The following PIEZO2 variants were observed in gnomAD, a reference collection of about 807,000 sequenced individuals.
PIEZO2 encodes the protein piezo-type mechanosensitive ion channel component 2.
Under a neutral mutation model 337.3 loss-of-function variants are expected in PIEZO2, and 172 were observed. The ratio of observed to expected loss-of-function variants is 0.51; its 90% CI spans 0.45 to 0.58. The LOEUF (loss-of-function observed/expected upper bound fraction) is 0.58, where lower values mean the gene tolerates loss of function less well. PIEZO2 is among the 20% of genes least tolerant of loss of function. The pLI, the probability that PIEZO2 is intolerant of heterozygous loss-of-function variation, is 0.00. For missense variants in PIEZO2, 3,028 were observed against 3,391.3 expected, an observed-to-expected ratio of 0.89 and a Z score of 2.66; for synonymous variants, 1,251 against 1,228.5, an observed-to-expected ratio of 1.02 and a Z score of -0.38.
chr18:11,057,268 T>A (rs1376176949), intron 2 of PIEZO2, among the ~76,000 whole-genome samples: 1 of 152,164 alleles, frequency 6.6e-6, no homozygotes, highest in African/African-American at 2.4e-5. Context: ...AAATCTTCCA[T>A]CCCCTTCAGT....
intron 11 of PIEZO2, among the ~76,000 whole-genome samples, chr18:10,799,615 CA>C (rs1393915642): frequency 1.3e-5 from 2 of 152,030 alleles, no homozygotes; most frequent in East Asian, 1.9e-4. Flanking sequence ...AAAAGGGAGA[CA>C]AAAAGCCTTG....
chr18:10,897,054 C>T (rs1351409943), intron 4 of PIEZO2, among the ~76,000 whole-genome samples: 1 of 152,178 alleles, frequency 6.6e-6, no homozygotes, highest in Non-Finnish European at 1.5e-5. Flanking sequence ...AGTAAAAATG[C>T]TAAACATCAC....
chr18:10,741,053 C>A lies in PIEZO2; in HGVS notation c.4686G>T (p.Arg1562=), dbSNP rs1412653262. ...TACTGGAAGCATGATCAACCCAAGG[C>A]CGCCACCACTGCTTTTTTTTGCCCT... ...KAKGKKKQWW[R]PWVDHASMVR... is the part of the protein sequence containing the mutation. The change falls in exon 33 of 56, where the codon CGG becomes CGT. Residue 1562 remains arginine, a synonymous_variant. Coordinates refer to ENST00000674853, the MANE Select transcript of PIEZO2 (RefSeq NM_001378183.1). 21 of 1,537,208 alleles carry A rather than the reference C, an allele frequency of 1.4e-5. No individual in the cohort carries two copies. Among genetic ancestry groups the A allele is most frequent in the African/African-American group, 2.7e-5 (2 of 73,168 alleles).
At chr18:10,752,262 C>T (rs2037677726) in intron 28 of PIEZO2, among the ~76,000 whole-genome samples, 1 of 152,210 alleles carries the variant, frequency 6.6e-6, no homozygotes, top group African/African-American at 2.4e-5. Flanking sequence ...CAACATAATA[C>T]AGCTTTTGAA....
rs2034039340 is a variant in PIEZO2 at position 10,677,033 on chromosome 18, G to A, written c.8081+714C>T. 6.6e-6 allele frequency among the ~76,000 whole-genome samples: 1 copy of A among 152,152 alleles called. No individual in the cohort carries two copies. The highest frequency in any genetic ancestry group is 2.1e-4 in the South Asian group (1 of 4,830). The stretch of plus-strand genomic sequence containing the variant: ...CAAATCGCATGAGAATCAGCATGAT[G>A]ATTTCTAGTGTGCCCCAAAATGGGT... On this transcript the variant is annotated intron_variant, in intron 53 of 55. Transcript: ENST00000674853. The surrounding 1 kb of genome is among the most constrained non-coding windows in gnomAD (Gnocchi z 4.1).
intron 5 of PIEZO2, among the ~76,000 whole-genome samples, chr18:10,868,447 G>A (rs914409859): frequency 6.6e-6 from 1 of 152,192 alleles, no homozygotes; most frequent in African/African-American, 2.4e-5. Flanking sequence ...ATTAATCTAA[G>A]AAGATTCACC....
intron 30 of PIEZO2, 95 bp from the exon 31 acceptor site, chr18:10,744,326 A>T (rs973831652): frequency 3.8e-6 from 3 of 786,212 alleles, no homozygotes; most frequent in Non-Finnish European, 6.2e-6. Flanking sequence ...AAAACATAAC[A>T]TCTCTTAATG....
rs1281379698 is a variant in PIEZO2, at chr18:10,967,018, GT to G, written c.286+12516del. The stretch of plus-strand genomic sequence containing the variant: ...ATATACCACATTTTCTCTGTTTTTT[GT>G]TTTTTTTTTTTTTTTTGAGATGGAG... On this transcript the variant is annotated intron_variant, in intron 3 of 55. Transcript: ENST00000674853. Among the ~76,000 whole-genome samples the G allele has an allele frequency of 7.3e-3, 894 of 122,820 alleles. 5 individuals are homozygous for G. The highest frequency in any genetic ancestry group is 0.013 in the African/African-American group (374 of 27,908). 80.6% of individuals were successfully genotyped at this position (122,820 alleles called of 152,430 possible).
intron 1 of PIEZO2, among the ~76,000 whole-genome samples, chr18:11,091,304 AC>A (rs2039080782): frequency 6.7e-6 from 1 of 148,684 alleles, no homozygotes; most frequent in African/African-American, 2.5e-5. Flanking sequence ...GAATCACTTG[AC>A]CCCGGGAGGC....
At chr18:10,891,769 G>A (rs2042764178) in intron 4 of PIEZO2, among the ~76,000 whole-genome samples, 1 of 152,084 alleles carries the variant, frequency 6.6e-6, no homozygotes, top group East Asian at 1.9e-4. Context: ...AAATTTTTCA[G>A]AAATAAAATA....
chr18:11,109,113 G>A lies in PIEZO2; in HGVS notation c.64+39412C>T, dbSNP rs2146133344. 6.6e-6 allele frequency among the ~76,000 whole-genome samples: 1 copy of A among 152,230 alleles called. No individual in the cohort carries two copies. The highest frequency in any genetic ancestry group is 2.1e-4 in the South Asian group (1 of 4,820). ...GGGTGACATCATGTCAGAGAACTAT[G>A]CATCCCTCTCCTAAGGACGCTGAGT... On this transcript the variant is annotated intron_variant, in intron 1 of 55. Coordinates refer to ENST00000674853, the MANE Select transcript of PIEZO2 (RefSeq NM_001378183.1). The surrounding 1 kb of genome is among the most constrained non-coding windows in gnomAD (Gnocchi z 5.1).
Position 10,704,619 on chromosome 18 carries a change from C to T in PIEZO2, c.6033G>A (p.Glu2011=). The T allele has an allele frequency of 3.9e-6, 6 of 1,537,258 alleles. No homozygotes were observed. Among genetic ancestry groups the T allele is most frequent in the Non-Finnish European group, 5.2e-6 (6 of 1,146,874 alleles). The change falls in exon 42 of 56, where the codon GAG becomes GAA. Residue 2011 remains glutamate (E), a synonymous_variant. Transcript: ENST00000674853. ...MFHDDELEES[E]KFYVGQPRFL... is the part of the protein sequence containing the mutation. ...ATCGGGGCTGCCCCACGTAGAATTT[C>T]TCTGACTCTTCAAGCTCATCGTCGT...
At chr18:11,137,517 C>T (rs895615275) in intron 1 of PIEZO2, among the ~76,000 whole-genome samples, 11 of 152,188 alleles carry the variant, frequency 7.2e-5, no homozygotes, top group Admixed American at 7.2e-4. Context: ...TTGGCAAAGT[C>T]GCATAGCTCG....
intron 4 of PIEZO2, among the ~76,000 whole-genome samples, chr18:10,892,813 T>C (rs1160857963): frequency 2.0e-5 from 3 of 152,196 alleles, no homozygotes; most frequent in African/African-American, 7.2e-5. Flanking sequence ...CACCAAAATC[T>C]AACAAGTACT....
chr18:10,814,188 C>G (rs1360226727), intron 7 of PIEZO2, among the ~76,000 whole-genome samples: 1 of 151,990 alleles, frequency 6.6e-6, no homozygotes, highest in Non-Finnish European at 1.5e-5. Flanking sequence ...CCAGGATGGT[C>G]TTGATCTCCT....
chr18:10,749,972 G>T (rs548017495), intron 29 of PIEZO2, 119 bp downstream of exon 29: 29 of 697,818 alleles, frequency 4.2e-5, no homozygotes, highest in Non-Finnish European at 6.7e-5. Flanking sequence ...GCCTCCATCT[G>T]GAGAAAACTG....
At chr18:11,024,240 C>A (rs2036441988) in intron 2 of PIEZO2, among the ~76,000 whole-genome samples, 1 of 150,478 alleles carries the variant, frequency 6.6e-6, no homozygotes, top group Non-Finnish European at 1.5e-5. Flanking sequence ...AATATCTGTA[C>A]TTGGCTGAAA....
In PIEZO2 at chr18:10,698,971, G is replaced by A. The variant is rs779100246; in HGVS notation, c.6648C>T (p.Ser2216=). 1.3e-4 allele frequency: 200 copies of A among 1,536,750 alleles called. 2 individuals are homozygous for A. In the Admixed American group the frequency reaches 3.4e-3, roughly 26 times the overall value. The part of the protein sequence containing the change: ...AVRRKRSGSS[S]EPSQRSSFSS... The stretch of plus-strand genomic sequence containing the variant: ...AAAAGCTGGATCTCTGGGATGGCTC[G>A]GAGCTGCTGCCGGAGCGCTTCCTCC... The change falls in exon 44 of 56, where the codon TCC becomes TCT. Residue 2216 remains serine, a synonymous_variant. Transcript: ENST00000674853.
In PIEZO2 at chr18:10,726,790, G is replaced by T; in HGVS notation, c.5029+4617C>A. 4 of 1,550,230 alleles carry T rather than the reference G, an allele frequency of 2.6e-6. No individual in the cohort carries two copies. In the South Asian group the frequency reaches 4.5e-5, roughly 18 times the overall value. ...ACTGGGCAAGGTGTCCTATGAGGATGTGGACCACCTGCGGCCCCATGGGGT... is the reference window on the plus strand; with the variant it reads ...ACTGGGCAAGGTGTCCTATGAGGATTTGGACCACCTGCGGCCCCATGGGGT... On this transcript the variant is annotated intron_variant, in intron 36 of 55. Coordinates refer to ENST00000674853, the MANE Select transcript of PIEZO2 (RefSeq NM_001378183.1). The surrounding 1 kb of genome is among the most constrained non-coding windows in gnomAD (Gnocchi z 5.9).
Sources: gnomAD v4.1 joint callset for allele counts (sites outside exome capture counted in the v4.1 genomes callset) on GRCh38, gnomAD v4.1.1 for gene constraint, Gnocchi (gnomAD v3.1) non-coding constraint, MANE v1.5 for transcripts, NCBI Gene and HGNC (gene_info 2026-07-23, HGNC 2026-07-21) for gene names.